PKD1: variants seen among roughly 807,000 people sequenced by gnomAD.
The protein encoded by PKD1 is polycystin-1.
A neutral mutation model predicts 361.7 loss-of-function variants in PKD1; 81 were observed. The observed-to-expected ratio is 0.22, with a 90% CI of 0.19 to 0.27. The LOEUF (loss-of-function observed/expected upper bound fraction) is 0.27. PKD1 is among the 10% of genes least tolerant of loss of function. The pLI, the probability that PKD1 is intolerant of heterozygous loss-of-function variation, is 1.00. For synonymous variants in PKD1, 3,615 were observed against 2,818.3 expected (o/e 1.28, Z -8.95); for missense variants, 6,399 against 6,118.3 (o/e 1.05, Z -1.53).
rs570976234 is a variant in PKD1 at position 2,103,774 on chromosome 16, G to A, written c.8283C>T (p.Arg2761=). 1.2e-6 allele frequency: 2 copies of A among 1,609,844 alleles called. No individual in the cohort carries two copies. The highest frequency in any genetic ancestry group is 4.5e-5 in the East Asian group (2 of 44,706). ...TGAGCACGCGGGAGCGCATGAGGAT[G>A]CGCATGAGGGCAGAGGTCAGGTTGT... ...QAYNLTSALM[R]ILMRSRVLNE... Residue 2761 remains arginine (R), a synonymous_variant, in exon 23 of 46, where the codon CGC becomes CGT. Transcript: ENST00000262304.
At chr16:2,114,980 C>A (rs956628585) in intron 10 of PKD1, 55 bp from the exon 11 acceptor site, 5 of 1,520,360 alleles carry the variant, frequency 3.3e-6, no homozygotes, top group Non-Finnish European at 4.4e-6. Context: ...GCCCGTGGAC[C>A]CCCGCACGAC....
chr16:2,129,775 T>A (rs984685837), intron 1 of PKD1, among the ~76,000 whole-genome samples: 4 of 151,560 alleles, frequency 2.6e-5, no homozygotes, highest in African/African-American at 7.3e-5. Flanking sequence ...GGTGTCAAAC[T>A]CCTGGGCTCA....
At position 2,090,348 on chromosome 16, in the gene PKD1, G is replaced by A. The variant is rs756212622; in HGVS notation, c.12381C>T (p.Tyr4127=). 2.7e-5 allele frequency: 44 copies of A among 1,612,368 alleles called. No homozygotes were observed. The highest frequency in any genetic ancestry group is 1.7e-5 in the Admixed American group (1 of 59,992). The part of the protein sequence containing the change: ...LYRPAWEPQD[Y]EMVELFLRRL... ...TGCGCAGGAACAACTCCACCATCTC[G>A]TAGTCCTGGGGCTCCCAGGCCGGCC... The change falls in exon 45 of 46, where the codon TAC becomes TAT. Residue 4127 remains tyrosine, a synonymous_variant. Transcript: ENST00000262304.
Position 2,093,731 on chromosome 16 carries a change from A to G in PKD1, c.10829T>C (p.Leu3610Pro). 1 of 1,584,882 alleles carries G rather than the reference A, an allele frequency of 6.3e-7. No homozygotes were observed. The highest frequency in any genetic ancestry group is 8.6e-7 in the Non-Finnish European group (1 of 1,164,864). ...FLGWEPLKVL[L>P]EALYFSLVAK... ...CACCAGTGAGAAGTACAGGGCTTCCAGCAAGACCTGGGGAGGGGGTGGCTT... is the reference window on the plus strand; with the variant it reads ...CACCAGTGAGAAGTACAGGGCTTCCGGCAAGACCTGGGGAGGGGGTGGCTT... The change falls in exon 37 of 46, where the codon CTG becomes CCG. Residue 3610 changes from leucine to proline, a missense_variant. Coordinates refer to ENST00000262304, the MANE Select transcript of PKD1 (RefSeq NM_001009944.3).
chr16:2,103,966 A>T (rs1400164154), intron 22 of PKD1, 71 bp from the exon 23 acceptor site: 6 of 140,236 alleles, frequency 4.3e-5, no homozygotes, highest in African/African-American at 1.7e-4. Flanking sequence ...AAAAAGGGGG[A>T]GCCGGAGGGT....
At chr16:2,097,584 C>G (rs1036876074) in intron 32 of PKD1, 81 bp from the exon 33 acceptor site, 1 of 1,590,226 alleles carries the variant, frequency 6.3e-7, no homozygotes, top group African/African-American at 1.7e-5. Flanking sequence ...GCACGGACAC[C>G]CTGGGCTTCC....
rs1295827406 is a variant in PKD1 at position 2,107,648 on chromosome 16, G to A, written c.7065+235C>T. ...TCTTCCTCACTGTTGGTATTGCTAG[G>A]GGACTGTGTAGCTTTTGCCACTAGA... On this transcript the variant is annotated intron_variant, in intron 16 of 45. Coordinates refer to ENST00000262304, the MANE Select transcript of PKD1 (RefSeq NM_001009944.3). 6 of 609,064 alleles carry A rather than the reference G, an allele frequency of 9.9e-6. No individual in the cohort carries two copies. The East Asian group carries it at 1.1e-4, about 12-fold the overall frequency. 37.7% of individuals were successfully genotyped at this position (609,064 alleles called of 1,614,324 possible).
At chr16:2,104,414 A>C in intron 22 of PKD1, 84 bp downstream of exon 22, 13 of 880,556 alleles carry the variant, frequency 1.5e-5, no homozygotes, top group Non-Finnish European at 2.1e-5. Context: ...GATGGGGCAA[A>C]GGCGACGCGG....
Position 2,110,768 on chromosome 16 carries a change from G to C in PKD1, c.4399C>G (p.Leu1467Val), listed in dbSNP as rs768180771. 12 of 1,610,810 alleles carry C rather than the reference G, an allele frequency of 7.4e-6. No homozygotes were observed. The highest frequency in any genetic ancestry group is 1.0e-5 in the Non-Finnish European group (12 of 1,179,770). Residue 1467 changes from leucine (L) to valine (V), a missense_variant, in exon 15 of 46, where the codon CTG becomes GTG. By Grantham distance (32) the Leu-to-Val change is conservative. Transcript: ENST00000262304. ...CCATTGACCTTGATGCTGGTGACCA[G>C]CACGGGCTCCTGCACCTCCACCAGG... Reference protein sequence around the residue: ...SALVEVQEPVLVTSIKVNGSL... With the variant: ...SALVEVQEPVVVTSIKVNGSL...
Position 2,108,212 on chromosome 16 carries a change from C to A in PKD1, c.6915+40G>T, listed in dbSNP as rs774548417. The A allele has an allele frequency of 3.2e-6, 5 of 1,561,748 alleles. No homozygotes were observed. In the South Asian group the frequency reaches 5.8e-5, roughly 18 times the overall value. ...TGTTCTCTGGGCTCATGGGTGTGGACGGGTGAGGGGCATGGAGGACGGCCC... is the reference window on the plus strand; with the variant it reads ...TGTTCTCTGGGCTCATGGGTGTGGAAGGGTGAGGGGCATGGAGGACGGCCC... On this transcript the variant is annotated intron_variant, in intron 15 of 45. Transcript: ENST00000262304.
rs2091581049 is a variant in PKD1, at chr16:2,091,590, C to A, written c.11545G>T (p.Ala3849Ser). 1.9e-6 allele frequency: 3 copies of A among 1,555,880 alleles called. No individual in the cohort carries two copies. The highest frequency in any genetic ancestry group is 1.9e-5 in the Admixed American group (1 of 53,718). ...LHNWLDNRSR[A>S]VFLELTRYSP... ...TAGCGCGTGAGCTCCAGGAACACAG[C>A]GCGGCTCCTGCGCAGAGGGTGCGGG... The change falls in exon 42 of 46, where the codon GCT becomes TCT. Residue 3849 changes from alanine to serine, a missense_variant. Coordinates refer to ENST00000262304, the MANE Select transcript of PKD1 (RefSeq NM_001009944.3).
Position 2,102,506 on chromosome 16 carries a change from G to T in PKD1, c.9076C>A (p.Arg3026=), listed in dbSNP as rs1354953295. Residue 3026 remains arginine (R), a synonymous_variant, in exon 25 of 46, where the codon CGG becomes AGG. Coordinates refer to ENST00000262304, the MANE Select transcript of PKD1 (RefSeq NM_001009944.3). The stretch of plus-strand genomic sequence containing the variant: ...TCCAGGGGCAGCAGCCCCTCTGTCC[G>T]CCACACCATGTCCTCCTCGCTGAAG... ...QYFSEEDMVW[R]TEGLLPLEET... The T allele has an allele frequency of 2.3e-5, 36 of 1,593,858 alleles. No homozygotes were observed. Among genetic ancestry groups the T allele is most frequent in the Non-Finnish European group, 2.9e-5 (34 of 1,172,122 alleles).
chr16:2,135,585 G>A lies in PKD1; in HGVS notation c.105C>T (p.Pro35=), dbSNP rs1448092200. ...CGGGCGCTGGGCCGCAGAGGCAGGG[G>A]GGCTCGCAGGGCCCGCAGCCGCGCC... ...GPGRGCGPCE[P]PCLCGPAPGA... Residue 35 remains proline (P), a synonymous_variant, in exon 1 of 46, where the codon CCC becomes CCT. Coordinates refer to ENST00000262304, the MANE Select transcript of PKD1 (RefSeq NM_001009944.3). 8 of 1,053,358 alleles carry A rather than the reference G, an allele frequency of 7.6e-6. No homozygotes were observed. The South Asian group carries it at 2.2e-4, about 29-fold the overall frequency. 65.3% of individuals were successfully genotyped at this position (1,053,358 alleles called of 1,614,324 possible). A position where few individuals can be genotyped will look rare whatever the true frequency, so the allele number is the denominator to read the frequency against.
At position 2,109,383 on chromosome 16, in the gene PKD1, G is replaced by C. The variant is rs1250472505; in HGVS notation, c.5784C>G (p.Pro1928=). The part of the protein sequence containing the change: ...TFRLQVGGAN[P]EVLPGPRFSH... ...AGAAACGGGGCCCGGGGAGCACCTC[G>C]GGGTTGGCCCCGCCGACCTGCAGGC... The change falls in exon 15 of 46, where the codon CCC becomes CCG. Residue 1928 remains proline (P), a synonymous_variant. Coordinates refer to ENST00000262304, the MANE Select transcript of PKD1 (RefSeq NM_001009944.3). The C allele has an allele frequency of 2.5e-6, 4 of 1,596,982 alleles. No homozygotes were observed. Among genetic ancestry groups the C allele is most frequent in the Non-Finnish European group, 2.5e-6 (3 of 1,177,120 alleles).
rs2091444238 is a variant in PKD1 at position 2,090,452 on chromosome 16, G to A, written c.12277C>T (p.Leu4093=). ...SPLLCVGLWA[L]RLWGALRLGA... ...AGCCGTAGGGCGCCCCACAGCCGCA[G>A]TGCCCAGAGCCCCACACACAGCAGG... Residue 4093 remains leucine, a synonymous_variant, in exon 45 of 46, where the codon CTG becomes TTG. Transcript: ENST00000262304. 1 of 1,612,434 alleles carries A rather than the reference G, an allele frequency of 6.2e-7. No homozygotes were observed. Among genetic ancestry groups the A allele is most frequent in the Non-Finnish European group, 8.5e-7 (1 of 1,179,834 alleles).
Position 2,093,801 on chromosome 16 carries a change from GC to G in PKD1, c.10821+9del. On this transcript the variant is annotated intron_variant, in intron 36 of 45. Coordinates refer to ENST00000262304, the MANE Select transcript of PKD1 (RefSeq NM_001009944.3). Reference sequence around the variant, plus strand: ...GGAGGCCTGTAGCCTACCCCTGGCAGCCCCCTCACCTTCAGTGGCTCCCAGC... The same window carrying G: ...GGAGGCCTGTAGCCTACCCCTGGCAGCCCCTCACCTTCAGTGGCTCCCAGC... 6.4e-7 allele frequency: 1 copy of G among 1,554,176 alleles called. No homozygotes were observed. The highest frequency in any genetic ancestry group is 2.4e-5 in the East Asian group (1 of 41,586).
At chr16:2,135,293 C>A (rs1161807059) in intron 1 of PKD1, 182 bp downstream of exon 1, 1 of 985,144 alleles carries the variant, frequency 1.0e-6, no homozygotes, top group Non-Finnish European at 1.2e-6. Context: ...TTTTTCGGCT[C>A]CCCGGGGCCG....
At chr16:2,126,421 G>A (rs558406533) in intron 1 of PKD1, among the ~76,000 whole-genome samples, 88 of 152,268 alleles carry the variant, frequency 5.8e-4, no homozygotes, top group Non-Finnish European at 1.1e-3. Flanking sequence ...GAGCTGCAGG[G>A]AGAAAAGGAC....
Position 2,109,599 on chromosome 16 carries a change from G to T in PKD1, c.5568C>A (p.Phe1856Leu). The change falls in exon 15 of 46, where the codon TTC becomes TTA. Residue 1856 changes from phenylalanine (F) to leucine (L), a missense_variant. Phe to Leu is a conservative substitution (Grantham distance 22). Transcript: ENST00000262304. ...SKRGPHVTMV[F>L]PDAGTFSIRL... The stretch of plus-strand genomic sequence containing the variant: ...GGATGGAGAAGGTGCCAGCATCCGG[G>T]AAGACCATGGTGACATGAGGGCCAC... 6.2e-7 allele frequency: 1 copy of T among 1,610,886 alleles called. No homozygotes were observed. The highest frequency in any genetic ancestry group is 2.2e-5 in the East Asian group (1 of 44,812).
Sources: allele counts gnomAD v4.1 joint callset (sites outside exome capture counted in the v4.1 genomes callset), GRCh38; gene constraint gnomAD v4.1.1; transcripts MANE v1.5; gene names NCBI Gene and HGNC (gene_info 2026-07-23, HGNC 2026-07-21).